MAGI3: variants seen among roughly 807,000 people sequenced by gnomAD.
The protein encoded by MAGI3 is membrane-associated guanylate kinase, WW and PDZ domain-containing protein 3.
MAGI3 carries 43 observed loss-of-function variants against 121.8 expected under a neutral mutation model. That is an observed-to-expected ratio of 0.35 (90% CI 0.28 to 0.46). The LOEUF (loss-of-function observed/expected upper bound fraction) is 0.46, where lower values mean the gene tolerates loss of function less well. MAGI3 is among the 20% of genes least tolerant of loss of function. The pLI is 1.00. For missense variants in MAGI3, 1,547 were observed against 1,797.3 expected (o/e 0.86, Z 2.52); for synonymous variants, 553 against 639.3 (o/e 0.86, Z 2.04).
At chr1:113,487,906 A>G (rs956277367) in intron 1 of MAGI3, among the ~76,000 whole-genome samples, 1 of 152,144 alleles carries the variant, frequency 6.6e-6, no homozygotes, top group East Asian at 1.9e-4. Context: ...TAGTTGTGGC[A>G]TGATTTACTA....
intron 2 of MAGI3, among the ~76,000 whole-genome samples, chr1:113,575,785 C>T (rs1367127882): frequency 1.3e-5 from 2 of 152,186 alleles, no homozygotes; most frequent in African/African-American, 2.4e-5. Context: ...TGAAGCTGCA[C>T]CCACAGCTGC....
chr1:113,479,085 C>T (rs977923501), intron 1 of MAGI3, among the ~76,000 whole-genome samples: 4 of 152,054 alleles, frequency 2.6e-5, no homozygotes, highest in South Asian at 2.1e-4. Context: ...CCTTGTCTCC[C>T]GGTTGCTAAG....
At chr1:113,582,020 G>C (rs945833357) in intron 3 of MAGI3, among the ~76,000 whole-genome samples, 2 of 151,834 alleles carry the variant, frequency 1.3e-5, no homozygotes, top group Admixed American at 1.3e-4. Flanking sequence ...AAATATAAGA[G>C]CTTGGTATGG....
intron 5 of MAGI3, 93 bp downstream of exon 5, chr1:113,590,751 T>C (rs1476584671): frequency 1.8e-6 from 2 of 1,118,624 alleles, no homozygotes; most frequent in Non-Finnish European, 2.5e-6. Flanking sequence ...CATACCTTTT[T>C]CAGAAGACTC....
intron 1 of MAGI3, chr1:113,403,796 T>C (rs896978519): frequency 2.0e-5 from 3 of 152,174 alleles, no homozygotes; most frequent in African/African-American, 7.2e-5. Flanking sequence ...GGAATCAGAT[T>C]TGCATCCAGA....
chr1:113,449,155 G>T (rs920179550), intron 1 of MAGI3, among the ~76,000 whole-genome samples: 1 of 151,986 alleles, frequency 6.6e-6, no homozygotes, highest in Non-Finnish European at 1.5e-5. Context: ...ATATCAGGGG[G>T]CAATAATGTG....
rs188700196 is a variant in MAGI3 at position 113,474,218 on chromosome 1, G to C, written c.317-75297G>C. ...TTTTCTCCCATTCTGTAGGTTGCCT[G>C]TTCACTCTGATGGTAGTTTCTTTTG... On this transcript the variant is annotated intron_variant, in intron 1 of 20. Transcript: ENST00000307546. 1.8e-3 allele frequency among the ~76,000 whole-genome samples: 272 copies of C among 152,254 alleles called. 1 individual carries two copies. The highest frequency in any genetic ancestry group is 3.1e-3 in the Non-Finnish European group (210 of 68,022).
At chr1:113,676,414 C>T (rs984268705) in intron 19 of MAGI3, among the ~76,000 whole-genome samples, 2 of 152,156 alleles carry the variant, frequency 1.3e-5, no homozygotes, top group Admixed American at 6.5e-5. Context: ...AAAACGACAA[C>T]ATGACATGCT....
At chr1:113,405,371 T>C (rs1007292879) in intron 1 of MAGI3, among the ~76,000 whole-genome samples, 4 of 148,754 alleles carry the variant, frequency 2.7e-5, no homozygotes, top group Non-Finnish European at 4.4e-5. Flanking sequence ...CCCAGCTACT[T>C]GGGAGGCTAA....
intron 10 of MAGI3, 106 bp downstream of exon 10, chr1:113,642,622 G>C: frequency 8.2e-7 from 1 of 1,215,418 alleles, no homozygotes. Flanking sequence ...GACTTAACTA[G>C]TAATTAGTGT....
Position 113,590,542 on chromosome 1 carries a change from C to A in MAGI3, c.822C>A (p.Asn274Lys). The A allele has an allele frequency of 6.2e-7, 1 of 1,613,684 alleles. No individual in the cohort carries two copies. The highest frequency in any genetic ancestry group is 8.5e-7 in the Non-Finnish European group (1 of 1,179,720). ...GGATGAAGACTGTTCCAAGTTACAACCAAACAAATAGCTCCATGGACTTTA... is the reference window on the plus strand; with the variant it reads ...GGATGAAGACTGTTCCAAGTTACAAACAAACAAATAGCTCCATGGACTTTA... ...SDWMKTVPSY[N>K]QTNSSMDFRN... The change falls in exon 5 of 21, where the codon AAC becomes AAA. Residue 274 changes from asparagine (N) to lysine (K), a missense_variant. Physicochemically the swap from Asn to Lys is moderately conservative, Grantham distance 94. Transcript: ENST00000307546.
At chr1:113,587,504 G>A (rs553604531) in intron 4 of MAGI3, among the ~76,000 whole-genome samples, 1 of 152,080 alleles carries the variant, frequency 6.6e-6, no homozygotes, top group Non-Finnish European at 1.5e-5. Context: ...CCTGTGTATC[G>A]CTTTGGAATC....
At chr1:113,444,641 A>C (rs935057877) in intron 1 of MAGI3, among the ~76,000 whole-genome samples, 5 of 152,232 alleles carry the variant, frequency 3.3e-5, no homozygotes, top group Non-Finnish European at 7.3e-5. Context: ...AAAGAGGAGA[A>C]TCTGATTTCC....
chr1:113,549,148 A>G (rs1004900951), intron 1 of MAGI3, among the ~76,000 whole-genome samples: 1 of 152,212 alleles, frequency 6.6e-6, no homozygotes, highest in African/African-American at 2.4e-5. Context: ...ATGAGTTTAG[A>G]GCTTGGCAGA....
chr1:113,538,397 G>A (rs994819886), intron 1 of MAGI3, among the ~76,000 whole-genome samples: 10 of 152,204 alleles, frequency 6.6e-5, no homozygotes, highest in African/African-American at 2.4e-4. Context: ...TCAAAAGGAT[G>A]AAGCATATAA....
chr1:113,583,179 G>A (rs1179214142), intron 3 of MAGI3, among the ~76,000 whole-genome samples: 1 of 151,328 alleles, frequency 6.6e-6, no homozygotes, highest in African/African-American at 2.4e-5. Context: ...AAGTTCTAGG[G>A]TACATGTGCA....
At position 113,439,142 on chromosome 1, in the gene MAGI3, A is replaced by G. The variant is rs1376579957; in HGVS notation, c.316+47793A>G. ...AATAAGTAACTAATGAGTGAGGAGC[A>G]TATACAGCATGGACATGCCAGACAA... On this transcript the variant is annotated intron_variant, in intron 1 of 20. Coordinates refer to ENST00000307546, the MANE Select transcript of MAGI3 (RefSeq NM_001142782.2). 3.3e-5 allele frequency among the ~76,000 whole-genome samples: 5 copies of G among 152,354 alleles called. No homozygotes were observed. In the East Asian group the frequency reaches 7.7e-4, roughly 23 times the overall value.
chr1:113,447,385 C>T (rs1557761958), intron 1 of MAGI3, among the ~76,000 whole-genome samples: 1 of 152,168 alleles, frequency 6.6e-6, no homozygotes. Context: ...TATGAGAAAC[C>T]TACTTCTGAG....
At chr1:113,413,601 G>T (rs1652127107) in intron 1 of MAGI3, among the ~76,000 whole-genome samples, 1 of 152,008 alleles carries the variant, frequency 6.6e-6, no homozygotes, top group Non-Finnish European at 1.5e-5. Context: ...CACATCCCTG[G>T]TAAGTTGGAT....
Sources: allele counts gnomAD v4.1 joint callset (sites outside exome capture counted in the v4.1 genomes callset), GRCh38; gene constraint gnomAD v4.1.1; transcripts MANE v1.5; gene names NCBI Gene and HGNC (gene_info 2026-07-23, HGNC 2026-07-21).